CFAP210: variants seen among roughly 807,000 people sequenced by gnomAD.
The protein encoded by CFAP210 is cilia- and flagella- associated protein 210.
chr2:169,663,013 C>G, the CFAP210 span, among the ~76,000 whole-genome samples: 2 of 152,184 alleles, frequency 1.3e-5, no homozygotes, highest in Non-Finnish European at 2.9e-5. Context: ...CTGCAGAGCC[C>G]TGATCTGAGT....
the CFAP210 span, among the ~76,000 whole-genome samples, chr2:169,667,596 G>C: frequency 8.6e-5 from 13 of 152,030 alleles, no homozygotes; most frequent in Admixed American, 6.5e-5. Flanking sequence ...ATTACTCCTT[G>C]ATCCATGGGC....
chr2:169,691,620 ACTTGGTG>A, the CFAP210 span, among the ~76,000 whole-genome samples: 1 of 152,176 alleles, frequency 6.6e-6, no homozygotes, highest in Admixed American at 6.5e-5. Flanking sequence ...GATGCTTTCA[ACTTGGTG>A]GAGTCCATTT....
At chr2:169,660,834 TCAA>T in the CFAP210 span, 3 of 273,266 alleles carry the variant, frequency 1.1e-5, no homozygotes, top group Non-Finnish European at 2.2e-5. Context: ...ACTCCTGAGC[TCAA>T]AGAGATCTGC....
the CFAP210 span, among the ~76,000 whole-genome samples, chr2:169,659,759 T>C: frequency 2.6e-5 from 4 of 152,240 alleles, no homozygotes; most frequent in Non-Finnish European, 5.9e-5. Flanking sequence ...CCCAAAGTCT[T>C]AACTCATTCC....
the CFAP210 span, chr2:169,662,231 T>C: frequency 6.4e-7 from 1 of 1,564,932 alleles, no homozygotes; most frequent in African/African-American, 1.4e-5. Flanking sequence ...TTTTAAAAGT[T>C]GGGCATTTGA....
At chr2:169,681,240 A>G in the CFAP210 span, 1 of 1,569,376 alleles carries the variant, frequency 6.4e-7, no homozygotes, top group East Asian at 2.3e-5. Flanking sequence ...ATTTCTAATA[A>G]ATTGTAAAAA....
the CFAP210 span, chr2:169,661,343 G>C: frequency 2.3e-6 from 1 of 433,186 alleles, no homozygotes; most frequent in Non-Finnish European, 4.5e-6. Context: ...AGATTCTGTA[G>C]GCTGGGCATT....
At chr2:169,671,312 A>C in the CFAP210 span, among the ~76,000 whole-genome samples, 1 of 152,176 alleles carries the variant, frequency 6.6e-6, no homozygotes, top group Admixed American at 6.5e-5. Flanking sequence ...TCATTCTTTG[A>C]AATTAGGCGC....
At chr2:169,650,491 A>G in the CFAP210 span, 1 of 1,580,266 alleles carries the variant, frequency 6.3e-7, no homozygotes, top group Non-Finnish European at 8.6e-7. Flanking sequence ...TCAGGAAGTT[A>G]TGTATTCTTT....
At chr2:169,651,218 C>T in the CFAP210 span, among the ~76,000 whole-genome samples, 1 of 110,818 alleles carries the variant, frequency 9.0e-6, no homozygotes, top group Non-Finnish European at 1.8e-5. Context: ...CAGAGCAAGA[C>T]TCTGTCTGAA....
At chr2:169,684,609 C>A in the CFAP210 span, among the ~76,000 whole-genome samples, 1 of 152,134 alleles carries the variant, frequency 6.6e-6, no homozygotes, top group Non-Finnish European at 1.5e-5. Flanking sequence ...TTTCAAGGTT[C>A]ATTCACATTG....
chr2:169,662,110 G>T, the CFAP210 span, among the ~76,000 whole-genome samples: 3 of 152,162 alleles, frequency 2.0e-5, no homozygotes, highest in Admixed American at 1.3e-4. Flanking sequence ...AATGATAAAT[G>T]TTCAAGGTGA....
At chr2:169,661,492 C>T in the CFAP210 span, 36,703 of 255,984 alleles carry the variant, frequency 0.14, 2,860 homozygotes, top group Non-Finnish European at 0.17. Flanking sequence ...AAGCCCCAGG[C>T]CTGGAGCTAG....
At chr2:169,682,303 T>C in the CFAP210 span, among the ~76,000 whole-genome samples, 1 of 152,194 alleles carries the variant, frequency 6.6e-6, no homozygotes, top group Non-Finnish European at 1.5e-5. Context: ...ATAAGCTATA[T>C]ATGCAAGACA....
At chr2:169,661,389 T>C in the CFAP210 span, 6 of 380,892 alleles carry the variant, frequency 1.6e-5, no homozygotes, top group East Asian at 4.1e-4. Flanking sequence ...CTTATCCTTT[T>C]ATCCTCCTCT....
the CFAP210 span, chr2:169,658,190 T>C: frequency 6.6e-6 from 1 of 152,182 alleles, no homozygotes; most frequent in African/African-American, 2.4e-5. Context: ...ACACATAACA[T>C]ACACCCTTAC....
chr2:169,650,214 A>T, the CFAP210 span: 1 of 1,079,396 alleles, frequency 9.3e-7, no homozygotes, highest in Non-Finnish European at 1.2e-6. Context: ...TAATTCATAC[A>T]TTGTTTTTAA....
the CFAP210 span, chr2:169,648,017 G>A: frequency 0.11 from 17,626 of 157,882 alleles, 1,237 homozygotes; most frequent in South Asian, 0.24. Flanking sequence ...TTAGCCCAGC[G>A]TGGTGGTGGG....
chr2:169,689,662 G>A, the CFAP210 span, among the ~76,000 whole-genome samples: 3 of 152,258 alleles, frequency 2.0e-5, no homozygotes, highest in South Asian at 4.1e-4. Flanking sequence ...CAGAAGTGAC[G>A]AAAGCAGGCA....
Sources: allele counts gnomAD v4.1 joint callset (sites outside exome capture counted in the v4.1 genomes callset), GRCh38; gene constraint gnomAD v4.1.1; transcripts MANE v1.5; gene names NCBI Gene and HGNC (gene_info 2026-07-23, HGNC 2026-07-21).